The following MAP3K5 variants were observed in gnomAD, a reference collection of about 807,000 sequenced individuals.
MAP3K5 encodes the protein mitogen-activated protein kinase kinase kinase 5, also known as ASK-1.
Under a neutral mutation model 158.7 loss-of-function variants are expected in MAP3K5, and 56 were observed. The observed-to-expected ratio is 0.35, with a 90% CI of 0.28 to 0.44. The LOEUF is 0.44. Among genes scored for constraint, MAP3K5 ranks in the 20% least tolerant of loss-of-function variants. MAP3K5 has a pLI of 1.00. For missense variants in MAP3K5, 1,294 were observed against 1,674.8 expected, an observed-to-expected ratio of 0.77 and a Z score of 3.97; for synonymous variants, 579 against 601.7, an observed-to-expected ratio of 0.96 and a Z score of 0.55.
chr6:136,741,572 G>C (rs1265943585), intron 1 of MAP3K5, among the ~76,000 whole-genome samples: 1 of 149,316 alleles, frequency 6.7e-6, no homozygotes, highest in East Asian at 1.9e-4. Flanking sequence ...TTCCCACTAA[G>C]GTGAAGAAAA....
rs537717231 is a variant in MAP3K5, at chr6:136,606,300, G to A, written c.2522-934C>T. Among the ~76,000 whole-genome samples the A allele has an allele frequency of 2.1e-3, 324 of 152,184 alleles. 2 individuals are homozygous for A. Among genetic ancestry groups the A allele is most frequent in the African/African-American group, 6.5e-3 (270 of 41,526 alleles). ...CAGGAGGCGGAGGTTGCAGTGAGCC[G>A]AGATCACGCCACTGCACTCCAGCCT... On this transcript the variant is annotated intron_variant, in intron 18 of 29. Coordinates refer to ENST00000359015, the MANE Select transcript of MAP3K5 (RefSeq NM_005923.4).
At chr6:136,715,355 TTTTAAAAAAGGTTAATTATTAAA>T in intron 2 of MAP3K5, among the ~76,000 whole-genome samples, 1 of 152,216 alleles carries the variant, frequency 6.6e-6, no homozygotes, top group South Asian at 2.1e-4. Context: ...CCTTTTCCTT[TTTTAAAAAAGGTTAATTATTAAA>T]TATTTCAAGT....
chr6:136,562,764 G>C, intron 26 of MAP3K5, 149 bp from the exon 27 acceptor site: 1 of 460,454 alleles, frequency 2.2e-6, no homozygotes, highest in Non-Finnish European at 3.8e-6. Context: ...TTAAACTCTT[G>C]GACTCAAGCG....
chr6:136,730,983 G>A (rs536963059), intron 1 of MAP3K5, among the ~76,000 whole-genome samples: 1 of 152,320 alleles, frequency 6.6e-6, no homozygotes, highest in East Asian at 1.9e-4. Context: ...ACAGTAATGA[G>A]CATGAAAAAT....
At chr6:136,672,101 A>G (rs1198913168) in intron 7 of MAP3K5, among the ~76,000 whole-genome samples, 1 of 152,184 alleles carries the variant, frequency 6.6e-6, no homozygotes, top group East Asian at 1.9e-4. Flanking sequence ...ATGGAATAAA[A>G]TATTATACAA....
At chr6:136,760,331 C>A (rs1003182935) in intron 1 of MAP3K5, among the ~76,000 whole-genome samples, 1 of 152,110 alleles carries the variant, frequency 6.6e-6, no homozygotes, top group African/African-American at 2.4e-5. Context: ...TAAATCCTAT[C>A]ATAAATCTCA....
At chr6:136,628,955 G>A (rs1433237743) in intron 14 of MAP3K5, among the ~76,000 whole-genome samples, 1 of 152,128 alleles carries the variant, frequency 6.6e-6, no homozygotes, top group Non-Finnish European at 1.5e-5. Context: ...AGAAGAGAGG[G>A]TTTTAAAAAA....
Position 136,614,254 on chromosome 6 carries a change from A to C in MAP3K5, c.2183T>G (p.Leu728Trp). Residue 728 changes from leucine to tryptophan, a missense_variant, in exon 16 of 30, where the codon TTG (leucine) becomes TGG (tryptophan). By Grantham distance (61) the Leu-to-Trp change is moderately conservative. Transcript: ENST00000359015. ...YSQPLHEEIALHKHLKHKNIV... is the reference protein window; with the variant it reads ...YSQPLHEEIAWHKHLKHKNIV... ...ATTTTTGTGCTTCAGGTGTTTATGC[A>C]ATGCTATTTCTTCATGCAGGGGCTG... is the stretch of plus-strand genomic sequence containing the variant. The C allele has an allele frequency of 6.2e-7, 1 of 1,613,722 alleles. No individual in the cohort carries two copies. Among genetic ancestry groups the C allele is most frequent in the South Asian group, 1.1e-5 (1 of 91,062 alleles).
intron 13 of MAP3K5, among the ~76,000 whole-genome samples, chr6:136,639,291 AC>A (rs1289961104): frequency 6.6e-6 from 1 of 152,176 alleles, no homozygotes; most frequent in Non-Finnish European, 1.5e-5. Flanking sequence ...TTAACAATTA[AC>A]CAATAAGTCT....
chr6:136,669,320 T>G lies in MAP3K5; in HGVS notation c.1329A>C (p.Gly443=). 6.2e-7 allele frequency: 1 copy of G among 1,613,898 alleles called. No individual in the cohort carries two copies. The highest frequency in any genetic ancestry group is 8.5e-7 in the Non-Finnish European group (1 of 1,179,790). The change falls in exon 8 of 30, where the codon GGA becomes GGC. Residue 443 remains glycine (G), a synonymous_variant. Transcript: ENST00000359015. ...INYAVLLLAA[G]HQFESSFELR... ...GCTCAAAGGAAGATTCAAACTGGTG[T>G]CCAGCTGCCAGGAGGAGGACCGCAT...
intron 26 of MAP3K5, among the ~76,000 whole-genome samples, chr6:136,563,047 G>A (rs1265973181): frequency 1.3e-5 from 2 of 151,918 alleles, no homozygotes; most frequent in East Asian, 1.9e-4. Context: ...TTGAAATACA[G>A]ATACTGGTCC....
At chr6:136,619,995 C>A (rs900805758) in intron 15 of MAP3K5, among the ~76,000 whole-genome samples, 3 of 152,144 alleles carry the variant, frequency 2.0e-5, no homozygotes, top group Non-Finnish European at 4.4e-5. Flanking sequence ...CACGGCCTGG[C>A]GTGGTGGCTC....
chr6:136,782,238 A>G (rs909719767), intron 1 of MAP3K5, among the ~76,000 whole-genome samples: 2 of 151,212 alleles, frequency 1.3e-5, no homozygotes, highest in Admixed American at 1.3e-4. Flanking sequence ...TATGATTGAG[A>G]CACTGCATTC....
chr6:136,616,961 G>A (rs1052811327), intron 15 of MAP3K5, among the ~76,000 whole-genome samples: 2 of 150,716 alleles, frequency 1.3e-5, no homozygotes, highest in South Asian at 2.1e-4. Flanking sequence ...CAAGTGATCC[G>A]CCAGCCTCAG....
chr6:136,578,499 T>C (rs892465605), intron 25 of MAP3K5, among the ~76,000 whole-genome samples: 2 of 152,042 alleles, frequency 1.3e-5, no homozygotes, highest in Non-Finnish European at 2.9e-5. Context: ...TAGTTTCAGA[T>C]TGTGGCATCA....
chr6:136,678,812 G>A (rs995747226), intron 7 of MAP3K5, among the ~76,000 whole-genome samples: 14 of 151,496 alleles, frequency 9.2e-5, no homozygotes, highest in Admixed American at 2.0e-4. Flanking sequence ...TGTAACCACC[G>A]CCTCCCAGGT....
chr6:136,758,841 G>A (rs1783615530), intron 1 of MAP3K5, among the ~76,000 whole-genome samples: 2 of 152,344 alleles, frequency 1.3e-5, no homozygotes, highest in Non-Finnish European at 2.9e-5. Flanking sequence ...TAGGAATCCT[G>A]TTTCTGCCTA....
In MAP3K5 at chr6:136,772,098, T is replaced by G. The variant is rs375547438; in HGVS notation, c.448+19612A>C. Among the ~76,000 whole-genome samples, 1,000 of 100,110 alleles carry G rather than the reference T, an allele frequency of 1.0e-2. 10 individuals are homozygous for G. Among genetic ancestry groups the G allele is most frequent in the African/African-American group, 0.036 (932 of 25,580 alleles). The allele number at this position is 100,110 out of a possible 152,430, so 65.7% of individuals were successfully genotyped here. The stretch of plus-strand genomic sequence containing the variant: ...TAATTTTTGTATTTTTTAGTAGAAA[T>G]GGGGGGGGGGGGTTTACCATGTTGG... On this transcript the variant is annotated intron_variant, in intron 1 of 29. Coordinates refer to ENST00000359015, the MANE Select transcript of MAP3K5 (RefSeq NM_005923.4).
intron 1 of MAP3K5, among the ~76,000 whole-genome samples, chr6:136,775,517 C>T (rs1352384049): frequency 6.6e-6 from 1 of 152,168 alleles, no homozygotes; most frequent in Non-Finnish European, 1.5e-5. Context: ...CAGAAAACCT[C>T]CTCATATTAA....
Sources: allele counts gnomAD v4.1 joint callset (sites outside exome capture counted in the v4.1 genomes callset), GRCh38; gene constraint gnomAD v4.1.1; transcripts MANE v1.5; gene names NCBI Gene and HGNC (gene_info 2026-07-23, HGNC 2026-07-21).